Variants in WIZ observed in about 807,000 individuals in gnomAD.
The protein encoded by WIZ is WIZ zinc finger, also known as protein Wiz.
WIZ carries 25 observed loss-of-function variants against 140.2 expected under a neutral mutation model. The ratio of observed to expected loss-of-function variants is 0.18; its 90% CI spans 0.13 to 0.25. The LOEUF (loss-of-function observed/expected upper bound fraction) is 0.25. Ranked by LOEUF, WIZ falls within the 10% of genes least tolerant of loss-of-function variation. The pLI is 1.00. For synonymous variants in WIZ, 1,125 were observed against 1,154.3 expected, an observed-to-expected ratio of 0.97 and a Z score of 0.51; for missense variants, 2,231 against 2,632.6, an observed-to-expected ratio of 0.85 and a Z score of 3.34.
chr19:15,443,162 C>T (rs1217011746), intron 2 of WIZ, among the ~76,000 whole-genome samples: 1 of 152,214 alleles, frequency 6.6e-6, no homozygotes, highest in East Asian at 1.9e-4. Flanking sequence ...ACCTCTGCCT[C>T]CTGGGTTCAA....
chr19:15,446,366 A>G (rs986766695), intron 2 of WIZ, among the ~76,000 whole-genome samples: 1 of 152,036 alleles, frequency 6.6e-6, no homozygotes, highest in Non-Finnish European at 1.5e-5. Flanking sequence ...GGCTCCCACA[A>G]AATCAAAGTC....
At position 15,425,313 on chromosome 19, in the gene WIZ, T is replaced by C; in HGVS notation, c.4822A>G (p.Lys1608Glu). The C allele has an allele frequency of 1.3e-6, 2 of 1,581,846 alleles. No homozygotes were observed. Among genetic ancestry groups the C allele is most frequent in the East Asian group, 2.3e-5 (1 of 43,122 alleles). Reference sequence around the variant, plus strand: ...TCAGTCTGGATGTAGGTCTTGGCCTTGACCTCTGCTGGGAGGAGGCGGTCC... The same window carrying C: ...TCAGTCTGGATGTAGGTCTTGGCCTCGACCTCTGCTGGGAGGAGGCGGTCC... ...QEDRLLPAEV[K>E]AKTYIQTELP... The change falls in exon 10 of 13, where the codon AAG becomes GAG. Residue 1608 changes from lysine to glutamate, a missense_variant. This residue lies in a region of WIZ where 393 missense variants were observed against 451.7 expected (regional missense o/e 0.87). Coordinates refer to ENST00000673675, the MANE Select transcript of WIZ (RefSeq NM_001371589.1).
chr19:15,425,800 A>G lies in WIZ; in HGVS notation c.4367-32T>C, dbSNP rs770442406. On this transcript the variant is annotated intron_variant, in intron 9 of 12. Coordinates refer to ENST00000673675, the MANE Select transcript of WIZ (RefSeq NM_001371589.1). Reference sequence around the variant, plus strand: ...GGGATCCAGGGTAGGGGGAAGGAGGAGGAGGAGGAGGAGGAGGGAGGAGGA... The same window carrying G: ...GGGATCCAGGGTAGGGGGAAGGAGGGGGAGGAGGAGGAGGAGGGAGGAGGA... 7.0e-5 allele frequency: 61 copies of G among 870,624 alleles called. 1 individual carries two copies. The African/African-American group carries it at 1.9e-3, about 27-fold the overall frequency. The allele number at this position is 870,624 out of a possible 1,614,324, so 53.9% of individuals were successfully genotyped here.
chr19:15,431,199 C>A lies in WIZ; in HGVS notation c.2741-17G>T, dbSNP rs1482760408. 1.5e-5 allele frequency: 22 copies of A among 1,503,036 alleles called. No individual in the cohort carries two copies. Among genetic ancestry groups the A allele is most frequent in the Non-Finnish European group, 1.1e-5 (12 of 1,126,782 alleles). The allele number at this position is 1,503,036 out of a possible 1,614,324, so 93.1% of individuals were successfully genotyped here. On this transcript the variant is annotated splice_polypyrimidine_tract_variant and intron_variant, in intron 5 of 12. Coordinates refer to ENST00000673675, the MANE Select transcript of WIZ (RefSeq NM_001371589.1). ...AACCCAGGCCTGTGGGTTGGGGAGA[C>A]AGGCTCAGCCCAGACAAATTTCAGG...
rs1177875076 is a variant in WIZ, at chr19:15,424,211, C to T, written c.5482G>A (p.Val1828Met). ...RPPQTSLVKF[V>M]GNIYTLKCRF... ...CATTTGAGGGTGTAGATGTTGCCCA[C>T]GAACTTGACAAGTGATGTCTGGGGG... Residue 1828 changes from valine to methionine, a missense_variant, in exon 12 of 13, where the codon GTG becomes ATG. Val to Met is a conservative substitution (Grantham distance 21). Transcript: ENST00000673675. This position sits in a 1 kb window ranked among gnomAD's most constrained non-coding sequence, Gnocchi z 9.7. The T allele has an allele frequency of 3.6e-5, 56 of 1,565,744 alleles. No individual in the cohort carries two copies. The highest frequency in any genetic ancestry group is 1.7e-4 in the Middle Eastern group (1 of 5,910).
At position 15,421,623 on chromosome 19, in the gene WIZ, T is replaced by A. The variant is rs189901656; in HGVS notation, c.*1453A>T. ...GCAAAGGAGCCAGTGGCTCCTCTTT[T>A]CCCCGCATGTTCCTTGGGTCAGGGG... On this transcript the variant is annotated 3_prime_UTR_variant, in exon 13 of 13. Coordinates refer to ENST00000673675, the MANE Select transcript of WIZ (RefSeq NM_001371589.1). The A allele has an allele frequency of 6.6e-6, 1 of 152,324 alleles. No individual in the cohort carries two copies. The highest frequency in any genetic ancestry group is 1.5e-5 in the Non-Finnish European group (1 of 68,018). The allele number at this position is 152,324 out of a possible 1,614,324, so 9.4% of individuals were successfully genotyped here.
At chr19:15,433,669 C>G (rs529991526) in intron 5 of WIZ, among the ~76,000 whole-genome samples, 89 of 152,264 alleles carry the variant, frequency 5.8e-4, no homozygotes, top group African/African-American at 1.3e-3. Flanking sequence ...AGAGCCAGCT[C>G]TGTCTCGCAG....
chr19:15,445,147 G>A (rs1043835655), intron 2 of WIZ, among the ~76,000 whole-genome samples: 2 of 152,252 alleles, frequency 1.3e-5, no homozygotes, highest in African/African-American at 4.8e-5. Context: ...CATGCCAAGG[G>A]GCCCTTGTTG....
At position 15,424,881 on chromosome 19, in the gene WIZ, G is replaced by C. The variant is rs768517377; in HGVS notation, c.5046C>G (p.His1682Gln). Residue 1682 changes from histidine to glutamine, a missense_variant, in exon 11 of 13, where the codon CAC (histidine) becomes CAG (glutamine). Physicochemically the swap from His to Gln is conservative, Grantham distance 24 (BLOSUM62 0). Coordinates refer to ENST00000673675, the MANE Select transcript of WIZ (RefSeq NM_001371589.1). This position sits in a 1 kb window ranked among gnomAD's most constrained non-coding sequence, Gnocchi z 9.7. ...GGTAGGCGCCCACCTTCTGGGGCCGGTGTTTGATCCACTCGCTCAGTGTCT... is the reference window on the plus strand; with the variant it reads ...GGTAGGCGCCCACCTTCTGGGGCCGCTGTTTGATCCACTCGCTCAGTGTCT... ...PIETLSEWIK[H>Q]RPQKVGAYRS... The C allele has an allele frequency of 1.2e-6, 2 of 1,611,018 alleles. No individual in the cohort carries two copies. The highest frequency in any genetic ancestry group is 1.7e-5 in the Admixed American group (1 of 59,852).
chr19:15,423,972 T>G (rs992905946), intron 12 of WIZ: 3 of 482,154 alleles, frequency 6.2e-6, no homozygotes, highest in African/African-American at 6.1e-5. Context: ...CTGAGGTCAC[T>G]AAGCTGGTAA....
chr19:15,426,907 T>A, intron 9 of WIZ, 75 bp downstream of exon 9: 1 of 1,517,628 alleles, frequency 6.6e-7, no homozygotes, highest in Admixed American at 2.1e-5. Flanking sequence ...CTAGGCACTC[T>A]GGATACCCCC....
At chr19:15,429,058 C>T (rs1969047152) in intron 7 of WIZ, among the ~76,000 whole-genome samples, 1 of 152,302 alleles carries the variant, frequency 6.6e-6, no homozygotes, top group South Asian at 2.1e-4. Context: ...GGGTTTCTTC[C>T]CAAACCCTGC....
At chr19:15,444,932 G>A (rs1969865224) in intron 2 of WIZ, among the ~76,000 whole-genome samples, 2 of 152,210 alleles carry the variant, frequency 1.3e-5, no homozygotes. Context: ...AGAGCCAGGG[G>A]ACCGCGTGGC....
At chr19:15,425,169 A>G in intron 10 of WIZ, 72 bp downstream of exon 10, 1 of 1,542,932 alleles carries the variant, frequency 6.5e-7, no homozygotes, top group East Asian at 2.4e-5. Flanking sequence ...GTCAGTGTGC[A>G]CGCTTGTGGC....
At chr19:15,448,398 G>T in intron 1 of WIZ, 31 bp from the exon 2 acceptor site, 1 of 1,491,426 alleles carries the variant, frequency 6.7e-7, no homozygotes, top group Non-Finnish European at 9.0e-7. Flanking sequence ...GTGCTTAGGG[G>T]ATGGAGGAAA....
At chr19:15,433,303 C>T (rs1969387560) in intron 5 of WIZ, 2 of 985,334 alleles carry the variant, frequency 2.0e-6, no homozygotes, top group African/African-American at 3.5e-5. Context: ...CTCCGATTGT[C>T]CCCAGCTGTT....
In WIZ at chr19:15,424,775, A is replaced by T. The variant is rs1480973541; in HGVS notation, c.5152T>A (p.Ser1718Thr). 1 of 1,585,844 alleles carries T rather than the reference A, an allele frequency of 6.3e-7. No individual in the cohort carries two copies. The highest frequency in any genetic ancestry group is 8.6e-7 in the Non-Finnish European group (1 of 1,168,040). The change falls in exon 11 of 13, where the codon TCC becomes ACC. Residue 1718 changes from serine to threonine, a missense_variant. This residue lies in a region of WIZ where 299 missense variants were observed against 309.6 expected (regional missense o/e 0.97). Transcript: ENST00000673675. The surrounding 1 kb of genome is among the most constrained non-coding windows in gnomAD (Gnocchi z 9.7). Reference protein sequence around the residue: ...GHGRDSDKRPSLGLAPGGLAV... With the variant: ...GHGRDSDKRPTLGLAPGGLAV... ...AGGCCCCCGGGTGCCAGCCCCAGGG[A>T]CGGCCGCTTGTCACTGTCACGGCCA...
chr19:15,423,678 C>A (rs1434352893), intron 12 of WIZ, among the ~76,000 whole-genome samples: 1 of 152,210 alleles, frequency 6.6e-6, no homozygotes, highest in Non-Finnish European at 1.5e-5. Context: ...TTGACTCTGA[C>A]TTCTGACTTG....
chr19:15,436,717 T>G, intron 5 of WIZ, 89 bp downstream of exon 5: 1 of 1,333,782 alleles, frequency 7.5e-7, no homozygotes, highest in African/African-American at 1.5e-5. Flanking sequence ...CCAGGAAAGC[T>G]GAGCGGCTGC....
Sources: gnomAD v4.1 joint callset for allele counts (sites outside exome capture counted in the v4.1 genomes callset) on GRCh38, gnomAD v4.1.1 for gene constraint, gnomAD v4.1.1 regional missense constraint, Gnocchi (gnomAD v3.1) non-coding constraint, MANE v1.5 for transcripts, NCBI Gene and HGNC (gene_info 2026-07-23, HGNC 2026-07-21) for gene names.